The following KDM2A variants were observed in gnomAD, a reference collection of about 807,000 sequenced individuals.
KDM2A encodes lysine demethylase 2A.
A neutral mutation model predicts 137.3 loss-of-function variants in KDM2A; 3 were observed. The observed-to-expected ratio is 0.02, with a 90% confidence interval of 0.01 to 0.06. The LOEUF (loss-of-function observed/expected upper bound fraction) is 0.06, where lower values mean the gene tolerates loss of function less well. Ranked by LOEUF, KDM2A falls within the 10% of genes least tolerant of loss-of-function variation. The pLI is 1.00. For missense variants in KDM2A, 738 were observed against 1,510.6 expected (o/e 0.49, Z 8.48); for synonymous variants, 512 against 541.5 (o/e 0.95, Z 0.76).
At chr11:67,225,641 A>G (rs140144804) in intron 10 of KDM2A, among the ~76,000 whole-genome samples, 2,247 of 152,296 alleles carry the variant, frequency 0.015, 27 homozygotes, top group Non-Finnish European at 0.023. Flanking sequence ...GTGGTGGCGC[A>G]TGCCTGTAAT....
chr11:67,157,746 C>CAAA (rs34189357), intron 2 of KDM2A, among the ~76,000 whole-genome samples: 4 of 78,056 alleles, frequency 5.1e-5, no homozygotes, highest in Admixed American at 1.2e-4. Context: ...ACTCCGTCTC[C>CAAA]AAAAAAAAAA....
intron 2 of KDM2A, among the ~76,000 whole-genome samples, chr11:67,168,367 T>A (rs1856793879): frequency 6.6e-6 from 1 of 152,116 alleles, no homozygotes; most frequent in Non-Finnish European, 1.5e-5. Flanking sequence ...TCAATAACAT[T>A]TGTATCTACC....
chr11:67,191,004 ATTC>A lies in KDM2A; in HGVS notation c.307+9117_307+9119del, dbSNP rs1285556808. Among the ~76,000 whole-genome samples the A allele has an allele frequency of 3.9e-5, 6 of 152,156 alleles. No homozygotes were observed. The East Asian group carries it at 1.2e-3, about 29-fold the overall frequency. On this transcript the variant is annotated intron_variant, in intron 5 of 20. Transcript: ENST00000529006. ...AACATTTAAAGAGGAACTAACACCA[ATTC>A]TTCTCAAACTTTTCCAAAGAATTTA...
intron 2 of KDM2A, among the ~76,000 whole-genome samples, chr11:67,130,434 C>T (rs1468255723): frequency 6.6e-6 from 1 of 152,156 alleles, no homozygotes; most frequent in Non-Finnish European, 1.5e-5. Flanking sequence ...CGTGAGCCAC[C>T]ATGCCCGGCC....
Position 67,245,505 on chromosome 11 carries a change from C to T in KDM2A, c.1833+47C>T. ...GAATTTTGGGGAGGGGTGGCAGTGC[C>T]AAAGGAACTGAAATACATATAGTGT... On this transcript the variant is annotated intron_variant, in intron 14 of 20. Coordinates refer to ENST00000529006, the MANE Select transcript of KDM2A (RefSeq NM_012308.3). This position sits in a 1 kb window ranked among gnomAD's most constrained non-coding sequence, Gnocchi z 4.1. The T allele has an allele frequency of 6.3e-7, 1 of 1,595,850 alleles. No homozygotes were observed. The highest frequency in any genetic ancestry group is 8.6e-7 in the Non-Finnish European group (1 of 1,166,720).
chr11:67,150,382 G>C (rs1856357795), intron 2 of KDM2A, among the ~76,000 whole-genome samples: 1 of 152,152 alleles, frequency 6.6e-6, no homozygotes, highest in Non-Finnish European at 1.5e-5. Context: ...GGAGAGGTTG[G>C]GGGAAGAGAA....
chr11:67,150,530 G>A (rs1417388332), intron 2 of KDM2A, among the ~76,000 whole-genome samples: 1 of 152,190 alleles, frequency 6.6e-6, no homozygotes, highest in Non-Finnish European at 1.5e-5. Context: ...GCCAATTAGG[G>A]AAGGAGATTG....
At chr11:67,207,791 A>C (rs1203030166) in intron 6 of KDM2A, 103 bp downstream of exon 6, 1 of 899,828 alleles carries the variant, frequency 1.1e-6, no homozygotes, top group African/African-American at 1.7e-5. Context: ...TTGGGAGGCC[A>C]AGGGAGGCAG....
chr11:67,191,996 A>G (rs534141210), intron 5 of KDM2A, among the ~76,000 whole-genome samples: 3 of 152,326 alleles, frequency 2.0e-5, no homozygotes, highest in Non-Finnish European at 4.4e-5. Context: ...CTGTTTGTCA[A>G]ATATTTCAAA....
intron 15 of KDM2A, among the ~76,000 whole-genome samples, chr11:67,246,778 T>G (rs1859226522): frequency 6.6e-6 from 1 of 151,918 alleles, no homozygotes; most frequent in African/African-American, 2.4e-5. Context: ...CTGTCATTCA[T>G]GAGAAGCAGC....
chr11:67,141,665 C>CA (rs1191493058), intron 2 of KDM2A, among the ~76,000 whole-genome samples: 89 of 63,336 alleles, frequency 1.4e-3, no homozygotes, highest in East Asian at 4.1e-3. Flanking sequence ...AGACTCGTTC[C>CA]AAAAAAAAAA....
Position 67,215,323 on chromosome 11 carries a change from C to T in KDM2A, c.487-17C>T, listed in dbSNP as rs1454327407. 6.4e-7 allele frequency: 1 copy of T among 1,571,078 alleles called. No individual in the cohort carries two copies. The highest frequency in any genetic ancestry group is 8.7e-7 in the Non-Finnish European group (1 of 1,142,880). On this transcript the variant is annotated splice_polypyrimidine_tract_variant and intron_variant, in intron 6 of 20. Transcript: ENST00000529006. ...CCTTTCCCTTGGAGCCCAAGTGTTT[C>T]CTCCTTCTATTTAAAGGTGGATTTC...
chr11:67,223,837 A>G (rs1046402921), intron 10 of KDM2A, among the ~76,000 whole-genome samples: 17 of 152,232 alleles, frequency 1.1e-4, no homozygotes, highest in African/African-American at 4.1e-4. Context: ...TTAAAAGGCT[A>G]ATGGAGAGGC....
chr11:67,201,172 C>T (rs544298910), intron 5 of KDM2A, among the ~76,000 whole-genome samples: 7 of 146,922 alleles, frequency 4.8e-5, no homozygotes, highest in African/African-American at 7.6e-5. Flanking sequence ...ACAGCCTGGG[C>T]GACTGAGCAA....
chr11:67,165,777 G>T (rs1268509263), intron 2 of KDM2A, among the ~76,000 whole-genome samples: 1 of 152,146 alleles, frequency 6.6e-6, no homozygotes, highest in African/African-American at 2.4e-5. Flanking sequence ...TCTAGAGTTA[G>T]TGTTTTTTAA....
chr11:67,180,311 T>C (rs1352928816), intron 3 of KDM2A, 94 bp downstream of exon 3: 3 of 1,307,408 alleles, frequency 2.3e-6, no homozygotes, highest in South Asian at 1.5e-5. Context: ...AGCTAAAATA[T>C]TGCCTGTTGA....
At chr11:67,252,194 T>C (rs1859449852) in intron 17 of KDM2A, 1 of 169,268 alleles carries the variant, frequency 5.9e-6, no homozygotes, top group Admixed American at 5.6e-5. Context: ...GATACAGTAA[T>C]GGGCTGAAGG....
At chr11:67,240,485 A>G (rs1005190491) in intron 12 of KDM2A, 21 of 823,202 alleles carry the variant, frequency 2.6e-5, no homozygotes, top group South Asian at 2.2e-4. Flanking sequence ...GGACAATGCT[A>G]TGTTACTTCG....
At chr11:67,203,003 CAAAAA>C (rs752108775) in intron 5 of KDM2A, among the ~76,000 whole-genome samples, 1 of 104,878 alleles carries the variant, frequency 9.5e-6, no homozygotes, top group African/African-American at 3.1e-5. Flanking sequence ...CGTCCGCCGC[CAAAAA>C]AAAAAAAAAA....
Sources: gnomAD v4.1 joint callset for allele counts (sites outside exome capture counted in the v4.1 genomes callset) on GRCh38, gnomAD v4.1.1 for gene constraint, Gnocchi (gnomAD v3.1) non-coding constraint, MANE v1.5 for transcripts, NCBI Gene and HGNC (gene_info 2026-07-23, HGNC 2026-07-21) for gene names.